Variants in IL16 observed in about 807,000 individuals in gnomAD.
The protein encoded by IL16 is interleukin 16, also known as pro-interleukin-16.
In IL16, 67 loss-of-function variants were observed where a neutral mutation model predicts 110.1. The ratio of observed to expected loss-of-function variants is 0.61; its 90% CI spans 0.50 to 0.75. The LOEUF is 0.75. IL16 is among the 30% of genes least tolerant of loss of function. The probability of loss-of-function intolerance (pLI) is 0.00; values close to 1 mark genes in which losing one functional copy is unlikely to be tolerated. For synonymous variants in IL16, 689 were observed against 662.9 expected (o/e 1.04, Z -0.61); for missense variants, 1,545 against 1,655.0 (o/e 0.93, Z 1.15).
intron 1 of IL16, among the ~76,000 whole-genome samples, chr15:81,216,030 G>A (rs1220649555): frequency 3.3e-5 from 5 of 152,230 alleles, no homozygotes; most frequent in Admixed American, 6.5e-5. Flanking sequence ...GGAAGGGCTA[G>A]CATGTAGGAA....
intron 2 of IL16, among the ~76,000 whole-genome samples, chr15:81,246,791 A>T (rs1034537437): frequency 6.6e-6 from 1 of 152,162 alleles, no homozygotes; most frequent in Non-Finnish European, 1.5e-5. Flanking sequence ...TGATTTATAG[A>T]ACTTACTGTT....
intron 1 of IL16, among the ~76,000 whole-genome samples, chr15:81,223,373 G>A (rs190044177): frequency 3.9e-5 from 6 of 152,342 alleles, no homozygotes; most frequent in Non-Finnish European, 8.8e-5. Flanking sequence ...TTGAAAGACA[G>A]AAAATGTTTG....
At chr15:81,295,787 A>G (rs1475943928) in intron 12 of IL16, among the ~76,000 whole-genome samples, 6 of 152,200 alleles carry the variant, frequency 3.9e-5, no homozygotes, top group Non-Finnish European at 5.9e-5. Flanking sequence ...TGCTTCCTCC[A>G]AAATGTTTAT....
At chr15:81,246,750 A>G (rs1897564852) in intron 2 of IL16, among the ~76,000 whole-genome samples, 1 of 152,146 alleles carries the variant, frequency 6.6e-6, no homozygotes, top group African/African-American at 2.4e-5. Flanking sequence ...TGGAATTCGT[A>G]TTCTAGGTTT....
At chr15:81,287,822 C>T (rs1019143139) in intron 10 of IL16, among the ~76,000 whole-genome samples, 1 of 152,170 alleles carries the variant, frequency 6.6e-6, no homozygotes, top group South Asian at 2.1e-4. Flanking sequence ...CACACTGGAG[C>T]TAAACACAAT....
chr15:81,244,770 C>T (rs571616077), intron 2 of IL16, among the ~76,000 whole-genome samples: 1 of 152,264 alleles, frequency 6.6e-6, no homozygotes, highest in East Asian at 1.9e-4. Flanking sequence ...GAATCCCATT[C>T]TCTTTCTCTC....
intron 16 of IL16, among the ~76,000 whole-genome samples, chr15:81,305,216 A>G (rs534354809): frequency 6.6e-6 from 1 of 152,316 alleles, no homozygotes; most frequent in South Asian, 2.1e-4. Flanking sequence ...TGCCATGCAG[A>G]TTTGCATTGT....
In IL16 at chr15:81,297,034, A is replaced by C; in HGVS notation, c.2009A>C (p.Lys670Thr). ...CPGPGIGPQT[K>T]SSTEGEPGWR... is the part of the protein sequence containing the mutation. ...GGACCTGGTATCGGCCCACAGACCA[A>C]GTCCTCCACAGAGGGCGAGCCAGGG... The change falls in exon 13 of 19, where the codon AAG (lysine) becomes ACG (threonine). Residue 670 changes from lysine (K) to threonine (T), a missense_variant. By Grantham distance (78) the Lys-to-Thr change is moderately conservative. This residue lies in a region of IL16 where 1,185 missense variants were observed against 1,238.8 expected (regional missense o/e 0.96). Transcript: ENST00000683961. 2 of 1,613,988 alleles carry C rather than the reference A, an allele frequency of 1.2e-6. No individual in the cohort carries two copies. Among genetic ancestry groups the C allele is most frequent in the Non-Finnish European group, 1.7e-6 (2 of 1,179,964 alleles).
At position 81,196,917 on chromosome 15, in the gene IL16, A is replaced by AT; in HGVS notation, c.-336dup. On this transcript the variant is annotated 5_prime_UTR_variant, in exon 1 of 19. Coordinates refer to ENST00000683961, the MANE Select transcript of IL16 (RefSeq NM_172217.5). Reference sequence around the variant, plus strand: ...GTCACCTGTCCAGAGCAGGTGGTGAATATTGTGTCCTACTCACGGCATCTC... The same window carrying AT: ...GTCACCTGTCCAGAGCAGGTGGTGAATTATTGTGTCCTACTCACGGCATCTC... 1 of 1,224,280 alleles carries AT rather than the reference A, an allele frequency of 8.2e-7. No homozygotes were observed. The highest frequency in any genetic ancestry group is 1.0e-6 in the Non-Finnish European group (1 of 961,176). The allele number at this position is 1,224,280 out of a possible 1,614,324, so 75.8% of individuals were successfully genotyped here. A position where few individuals can be genotyped will look rare whatever the true frequency, so the allele number is the denominator to read the frequency against.
In IL16 at chr15:81,300,270, G is replaced by A. The variant is rs771160003; in HGVS notation, c.2944G>A (p.Glu982Lys). The change falls in exon 14 of 19, where the codon GAA becomes AAA. Residue 982 changes from glutamate to lysine, a missense_variant. Glu to Lys is a moderately conservative substitution (Grantham distance 56). Around this residue, in one of 3 missense-constraint regions of IL16, gnomAD observed 1,185 missense variants for 1,238.8 expected, o/e 0.96. Coordinates refer to ENST00000683961, the MANE Select transcript of IL16 (RefSeq NM_172217.5). ...GTCCTGTGAGACGAAGCTACTTGAC[G>A]AAAAGACCAGCAAACTCTATTCTAT... ...SQSCETKLLD[E>K]KTSKLYSISS... The A allele has an allele frequency of 1.1e-5, 17 of 1,614,098 alleles. No individual in the cohort carries two copies. Among genetic ancestry groups the A allele is most frequent in the African/African-American group, 4.0e-5 (3 of 74,928 alleles).
At chr15:81,226,757 G>A (rs906738900) in intron 2 of IL16, among the ~76,000 whole-genome samples, 6 of 152,144 alleles carry the variant, frequency 3.9e-5, no homozygotes, top group Non-Finnish European at 8.8e-5. Flanking sequence ...CACTTAATTG[G>A]GTAGAAGGAG....
At chr15:81,301,310 TG>T in intron 14 of IL16, 33 bp from the exon 15 acceptor site, 1 of 1,563,216 alleles carries the variant, frequency 6.4e-7, no homozygotes, top group Non-Finnish European at 8.7e-7. Flanking sequence ...TTAATATTGT[TG>T]TTCATACTGT....
exon 1 of IL16, chr15:81,182,730 C>G: frequency 2.3e-6 from 1 of 437,128 alleles, no homozygotes; most frequent in South Asian, 1.8e-5. Context: ...CGAGGAGTTA[C>G]TTTGTAGTTT....
intron 2 of IL16, among the ~76,000 whole-genome samples, chr15:81,237,148 C>A (rs1897202730): frequency 6.6e-6 from 1 of 152,202 alleles, no homozygotes; most frequent in Non-Finnish European, 1.5e-5. Context: ...TCCTCACTCT[C>A]ATCTTTATGA....
chr15:81,281,254 A>G (rs1043525397), intron 8 of IL16, among the ~76,000 whole-genome samples: 1 of 152,226 alleles, frequency 6.6e-6, no homozygotes, highest in African/African-American at 2.4e-5. Flanking sequence ...AACATTTGCC[A>G]AAGTGCTCTG....
intron 1 of IL16, among the ~76,000 whole-genome samples, chr15:81,189,935 C>T (rs1170459568): frequency 1.3e-5 from 2 of 152,242 alleles, no homozygotes; most frequent in Non-Finnish European, 2.9e-5. Flanking sequence ...CGGCGTTCCT[C>T]AGATACTTGT....
intron 1 of IL16, among the ~76,000 whole-genome samples, chr15:81,217,671 C>T (rs1003761214): frequency 1.1e-4 from 17 of 152,086 alleles, no homozygotes; most frequent in Admixed American, 3.3e-4. Flanking sequence ...TTGAAAGAGA[C>T]GCACACTGTG....
At position 81,279,714 on chromosome 15, in the gene IL16, G is replaced by A. The variant is rs1239882780; in HGVS notation, c.1021G>A (p.Ala341Thr). The A allele has an allele frequency of 1.2e-6, 2 of 1,614,090 alleles. No homozygotes were observed. The highest frequency in any genetic ancestry group is 1.7e-6 in the Non-Finnish European group (2 of 1,180,048). Residue 341 changes from alanine (A) to threonine (T), a missense_variant, in exon 8 of 19, where the codon GCT becomes ACT. By Grantham distance (58) the Ala-to-Thr change is moderately conservative. This residue lies in a region of IL16 where 1,185 missense variants were observed against 1,238.8 expected (regional missense o/e 0.96). Coordinates refer to ENST00000683961, the MANE Select transcript of IL16 (RefSeq NM_172217.5). ...CTCCTTCGCCTTGGAAAGCCCCTCG[G>A]CTCCCATCAGCACCGCCAAGCCCAA... ...SSSFALESPS[A>T]PISTAKPNYR...
At chr15:81,296,880 C>T (rs1900010396) in intron 12 of IL16, 48 bp from the exon 13 acceptor site, 4 of 1,531,006 alleles carry the variant, frequency 2.6e-6, no homozygotes, top group African/African-American at 1.4e-5. Flanking sequence ...CTTCTCACAG[C>T]TTGAGGCTAC....
Sources: allele counts gnomAD v4.1 joint callset (sites outside exome capture counted in the v4.1 genomes callset), GRCh38; gene constraint gnomAD v4.1.1; regional missense constraint gnomAD v4.1.1; transcripts MANE v1.5; gene names NCBI Gene and HGNC (gene_info 2026-07-23, HGNC 2026-07-21).